The following TACC2 variants were observed in gnomAD, a reference collection of about 807,000 sequenced individuals.
TACC2 encodes transforming acidic coiled-coil containing protein 2, also known as transforming acidic coiled-coil-containing protein 2.
TACC2 carries 137 observed loss-of-function variants against 227.3 expected under a neutral mutation model. The observed-to-expected ratio is 0.60, with a 90% CI of 0.52 to 0.69. The LOEUF is 0.69. Among genes scored for constraint, TACC2 ranks in the 30% least tolerant of loss-of-function variants. TACC2 has a pLI of 0.00. For synonymous variants in TACC2, 1,523 were observed against 1,487.5 expected (o/e 1.02, Z -0.55); for missense variants, 3,470 against 3,694.4 (o/e 0.94, Z 1.57).
chr10:122,120,921 T>C (rs4639871), intron 5 of TACC2, among the ~76,000 whole-genome samples: 102,861 of 152,116 alleles, frequency 0.68, 38,036 homozygotes, highest in South Asian at 0.82. Context: ...CGTGCCACCA[T>C]GCCCAGCTAA....
chr10:122,174,788 T>C (rs1565506966), intron 7 of TACC2, among the ~76,000 whole-genome samples: 1 of 152,170 alleles, frequency 6.6e-6, no homozygotes, highest in Non-Finnish European at 1.5e-5. Flanking sequence ...ATCTAACTGT[T>C]GAACTAACCA....
Position 122,210,883 on chromosome 10 carries a change from C to A in TACC2, c.6458C>A (p.Thr2153Lys). ...KPTETPPVKE[T>K]QQEPDEESLV... ...ACAGAGACCCCCCCAGTGAAGGAGA[C>A]GCAACAGGAGCCAGATGAAGAGAGC... The change falls in exon 9 of 23, where the codon ACG becomes AAG. Residue 2153 changes from threonine to lysine, a missense_variant. By Grantham distance (78) the Thr-to-Lys change is moderately conservative. This residue lies in a region of TACC2 where 593 missense variants were observed against 636.6 expected (regional missense o/e 0.93). Coordinates refer to ENST00000369005, the MANE Select transcript of TACC2 (RefSeq NM_206862.4). This position sits in a 1 kb window ranked among gnomAD's most constrained non-coding sequence, Gnocchi z 4.6. 6.2e-7 allele frequency: 1 copy of A among 1,613,144 alleles called. No homozygotes were observed. Among genetic ancestry groups the A allele is most frequent in the East Asian group, 2.2e-5 (1 of 44,792 alleles).
intron 1 of TACC2, chr10:122,019,646 G>C (rs930094701): frequency 2.6e-5 from 4 of 152,290 alleles, no homozygotes; most frequent in African/African-American, 9.6e-5. Flanking sequence ...GCTGGGAAAC[G>C]CTGATTCCCT....
intron 22 of TACC2, among the ~76,000 whole-genome samples, chr10:122,250,361 G>T (rs1314792927): frequency 3.9e-5 from 6 of 152,232 alleles, no homozygotes; most frequent in African/African-American, 1.4e-4. Context: ...AATTTCCTGA[G>T]CCTTGGGGTT....
chr10:122,097,043 T>G (rs1020603388), intron 5 of TACC2, among the ~76,000 whole-genome samples: 4 of 152,134 alleles, frequency 2.6e-5, no homozygotes, highest in Admixed American at 2.0e-4. Flanking sequence ...ACTTGCCTGG[T>G]TGCTGGGCAC....
chr10:122,147,329 G>T (rs975544586), intron 7 of TACC2, among the ~76,000 whole-genome samples: 5 of 152,232 alleles, frequency 3.3e-5, no homozygotes, highest in Admixed American at 6.5e-5. Context: ...ATTTTTAGTG[G>T]AGTCAAGGTT....
chr10:122,160,776 C>T (rs1056259194), intron 7 of TACC2, among the ~76,000 whole-genome samples: 2 of 152,008 alleles, frequency 1.3e-5, no homozygotes, highest in Non-Finnish European at 2.9e-5. Flanking sequence ...TTTCTGTAGG[C>T]CGAGTTACTA....
chr10:122,024,709 G>A lies in TACC2; in HGVS notation c.33+2695G>A, dbSNP rs528889954. ...TTTTCTCTCTCAGCATAAATCTCTT[G>A]AGATTTATCCAAGTACTGTGTGTAT... On this transcript the variant is annotated intron_variant, in intron 2 of 22. Transcript: ENST00000369005. Among the ~76,000 whole-genome samples, 9 of 152,112 alleles carry A rather than the reference G, an allele frequency of 5.9e-5. 1 individual carries two copies. In the South Asian group the frequency reaches 1.5e-3, roughly 25 times the overall value.
intron 7 of TACC2, among the ~76,000 whole-genome samples, chr10:122,151,167 A>G (rs924446534): frequency 2.6e-5 from 4 of 152,236 alleles, no homozygotes; most frequent in African/African-American, 9.6e-5. Flanking sequence ...AGACAGAGAC[A>G]GCTGTTCTGG....
At chr10:122,093,737 T>C (rs1384334317) in intron 5 of TACC2, among the ~76,000 whole-genome samples, 1 of 152,194 alleles carries the variant, frequency 6.6e-6, no homozygotes, top group African/African-American at 2.4e-5. Context: ...CATCTCTCTT[T>C]TAGGATTGGG....
At chr10:122,069,731 G>A (rs1474714557) in intron 3 of TACC2, among the ~76,000 whole-genome samples, 2 of 152,188 alleles carry the variant, frequency 1.3e-5, no homozygotes, top group African/African-American at 2.4e-5. Context: ...AAATAGGAAT[G>A]CAGCAAAACA....
chr10:122,123,899 C>T (rs990568097), intron 5 of TACC2, among the ~76,000 whole-genome samples: 10 of 151,356 alleles, frequency 6.6e-5, no homozygotes, highest in South Asian at 2.1e-4. Context: ...CTGCAACCTC[C>T]GCCTCCCAGG....
chr10:122,240,271 A>G (rs183078875), intron 18 of TACC2, among the ~76,000 whole-genome samples: 148 of 152,342 alleles, frequency 9.7e-4, no homozygotes, highest in Non-Finnish European at 1.5e-3. Context: ...TCAAAGATCT[A>G]TCACAGCTTG....
At chr10:122,230,795 G>A (rs2095725881) in intron 16 of TACC2, among the ~76,000 whole-genome samples, 1 of 151,882 alleles carries the variant, frequency 6.6e-6, no homozygotes, top group Non-Finnish European at 1.5e-5. Flanking sequence ...GACCTTTGAG[G>A]GTTTTTTTTT....
intron 7 of TACC2, among the ~76,000 whole-genome samples, chr10:122,162,045 G>A (rs561006755): frequency 1.3e-5 from 2 of 152,302 alleles, no homozygotes; most frequent in African/African-American, 2.4e-5. Context: ...GCTTTCCAGA[G>A]CACACCTCGT....
chr10:122,012,468 G>A (rs1956070108), intron 1 of TACC2, among the ~76,000 whole-genome samples: 1 of 146,894 alleles, frequency 6.8e-6, no homozygotes, highest in African/African-American at 2.5e-5. Context: ...TGGCCAGGCT[G>A]ATCTCGAACT....
Position 122,210,182 on chromosome 10 carries a change from A to G in TACC2, c.5972-215A>G, listed in dbSNP as rs1380576780. On this transcript the variant is annotated intron_variant, in intron 8 of 22. Coordinates refer to ENST00000369005, the MANE Select transcript of TACC2 (RefSeq NM_206862.4). This position sits in a 1 kb window ranked among gnomAD's most constrained non-coding sequence, Gnocchi z 4.6. ...TCGGTCCTCATGATCCTCATTGTACAGATGAGGGAACTCTGGGCGAACCTG... is the reference window on the plus strand; with the variant it reads ...TCGGTCCTCATGATCCTCATTGTACGGATGAGGGAACTCTGGGCGAACCTG... 1 of 606,952 alleles carries G rather than the reference A, an allele frequency of 1.6e-6. No individual in the cohort carries two copies. The highest frequency in any genetic ancestry group is 2.8e-5 in the East Asian group (1 of 35,592). 37.6% of individuals were successfully genotyped at this position (606,952 alleles called of 1,614,324 possible).
At chr10:122,241,475 G>A (rs2095991592) in intron 18 of TACC2, among the ~76,000 whole-genome samples, 2 of 152,040 alleles carry the variant, frequency 1.3e-5, no homozygotes, top group Admixed American at 6.6e-5. Context: ...ATTTTTTGTA[G>A]GGATGGTGTT....
chr10:122,027,136 T>C (rs943234733), intron 2 of TACC2, among the ~76,000 whole-genome samples: 6 of 152,226 alleles, frequency 3.9e-5, no homozygotes, highest in Non-Finnish European at 7.3e-5. Flanking sequence ...GTCAGTATTC[T>C]GGATTTTGGG....
Sources: gnomAD v4.1 joint callset for allele counts (sites outside exome capture counted in the v4.1 genomes callset) on GRCh38, gnomAD v4.1.1 for gene constraint, gnomAD v4.1.1 regional missense constraint, Gnocchi (gnomAD v3.1) non-coding constraint, MANE v1.5 for transcripts, NCBI Gene and HGNC (gene_info 2026-07-23, HGNC 2026-07-21) for gene names.